Variants in SLC25A29 observed in about 807,000 individuals in gnomAD.
SLC25A29 encodes mitochondrial basic amino acids transporter.
Under a neutral mutation model 10.0 loss-of-function variants are expected in SLC25A29, and 13 were observed. The ratio of observed to expected loss-of-function variants is 1.30; its 90% CI spans 0.85 to 2.07. The LOEUF is 2.07. Among genes scored for constraint, SLC25A29 ranks in the 30% most tolerant of loss-of-function variants. The pLI is 0.00. For synonymous variants in SLC25A29, 244 were observed against 221.1 expected (o/e 1.10, Z -0.92); for missense variants, 475 against 447.6 (o/e 1.06, Z -0.55).
In SLC25A29 at chr14:100,301,326, C is replaced by A. The variant is rs904643031; in HGVS notation, c.35-2441G>T. Reference sequence around the variant, plus strand: ...GACTACAGGCCCACCCCACCACACCCAGCTAATTTTTGTATTTTTAGTAGA... The same window carrying A: ...GACTACAGGCCCACCCCACCACACCAAGCTAATTTTTGTATTTTTAGTAGA... On this transcript the variant is annotated intron_variant, in intron 1 of 3. Transcript: ENST00000359232. 3.9e-5 allele frequency among the ~76,000 whole-genome samples: 6 copies of A among 152,010 alleles called. No individual in the cohort carries two copies. In the South Asian group the frequency reaches 1.2e-3, roughly 31 times the overall value.
chr14:100,288,382 C>CAAAAA (rs541814439), downstream of SLC25A29, among the ~76,000 whole-genome samples: 530 of 63,714 alleles, frequency 8.3e-3, 40 homozygotes, highest in South Asian at 0.032. Context: ...AACTCTATCT[C>CAAAAA]AAAAAAAAAA....
rs937657166 is a variant in SLC25A29, at chr14:100,298,994, G to A, written c.35-109C>T. 3.3e-6 allele frequency: 5 copies of A among 1,523,946 alleles called. No homozygotes were observed. In the African/African-American group the frequency reaches 4.1e-5, roughly 13 times the overall value. The allele number at this position is 1,523,946 out of a possible 1,614,324, so 94.4% of individuals were successfully genotyped here. On this transcript the variant is annotated intron_variant, in intron 1 of 3. Coordinates refer to ENST00000359232, the MANE Select transcript of SLC25A29 (RefSeq NM_001039355.3). ...AAGACTGGCAGGAGCTGCTGCCGGG[G>A]AAAGGACATTGACCAAGCACCTGTG...
At chr14:100,295,904 C>A (rs764229921) in intron 2 of SLC25A29, 5 of 1,286,620 alleles carry the variant, frequency 3.9e-6, no homozygotes, top group African/African-American at 1.5e-5. Context: ...CGTGTAGAAA[C>A]GTGTGAAGGC....
Position 100,297,837 on chromosome 14 carries a change from G to A in SLC25A29, c.78+1005C>T, listed in dbSNP as rs546237831. On this transcript the variant is annotated intron_variant, in intron 2 of 3. Transcript: ENST00000359232. ...TGTTGAGCACTGGCACGATGACAAC[G>A]TTTGAGCCCAAAGATACAGGGACCT... Among the ~76,000 whole-genome samples the A allele has an allele frequency of 1.4e-4, 22 of 152,346 alleles. No homozygotes were observed. In the Middle Eastern group the frequency reaches 0.01, roughly 71 times the overall value.
In SLC25A29 at chr14:100,291,471, C is replaced by A. The variant is rs958918695; in HGVS notation, c.*812G>T. ...ATCCTGGCTGGCGGTGGTAGGTGGGCCGGAGACTCAGTTGTCCGTCAGCTG... is the reference window on the plus strand; with the variant it reads ...ATCCTGGCTGGCGGTGGTAGGTGGGACGGAGACTCAGTTGTCCGTCAGCTG... On this transcript the variant is annotated 3_prime_UTR_variant, in exon 4 of 4. Transcript: ENST00000359232. 3 of 152,386 alleles carry A rather than the reference C, an allele frequency of 2.0e-5. No homozygotes were observed. The highest frequency in any genetic ancestry group is 7.2e-5 in the African/African-American group (3 of 41,418). The allele number at this position is 152,386 out of a possible 1,614,324, so 9.4% of individuals were successfully genotyped here.
At chr14:100,298,803 T>C in intron 2 of SLC25A29, 39 bp downstream of exon 2, 3 of 1,613,994 alleles carry the variant, frequency 1.9e-6, no homozygotes, top group South Asian at 1.1e-5. Flanking sequence ...CTCTCTCCAA[T>C]GTACGCGCCG....
chr14:100,286,898 G>T (rs1891555279), downstream of SLC25A29, among the ~76,000 whole-genome samples: 1 of 152,206 alleles, frequency 6.6e-6, no homozygotes, highest in Non-Finnish European at 1.5e-5. Flanking sequence ...GGCTCCTGGC[G>T]CTGGCTTCAG....
chr14:100,303,521 T>A (rs1010768294), intron 1 of SLC25A29, among the ~76,000 whole-genome samples: 7 of 152,258 alleles, frequency 4.6e-5, no homozygotes, highest in African/African-American at 1.4e-4. Context: ...AGGCACTGGT[T>A]CCCACTTTCT....
Position 100,291,683 on chromosome 14 carries a change from C to T in SLC25A29, c.*600G>A, listed in dbSNP as rs1033446474. On this transcript the variant is annotated 3_prime_UTR_variant, in exon 4 of 4. Transcript: ENST00000359232. The stretch of plus-strand genomic sequence containing the variant: ...ATGGCTTCCCGGAGGGTGCAGGGTC[C>T]CCAGTTCACCCTCCAGCAGGAGTGG... 6.1e-6 allele frequency: 1 copy of T among 163,866 alleles called. No homozygotes were observed. Among genetic ancestry groups the T allele is most frequent in the Non-Finnish European group, 1.3e-5 (1 of 75,852 alleles). The allele number at this position is 163,866 out of a possible 1,614,324, so 10.2% of individuals were successfully genotyped here.
rs1304884802 is a variant in SLC25A29, at chr14:100,292,496, G to T, written c.699C>A (p.Asp233Glu). The change falls in exon 4 of 4, where the codon GAC becomes GAA. Residue 233 changes from aspartate (D) to glutamate (E), a missense_variant. Physicochemically the swap from Asp to Glu is conservative, Grantham distance 45. Coordinates refer to ENST00000359232, the MANE Select transcript of SLC25A29 (RefSeq NM_001039355.3). ...CGGCGCGGTAGCTCTGGTGCACGCAGTCCAGGATGCCGCGGTAGCGCGGGG... is the reference window on the plus strand; with the variant it reads ...CGGCGCGGTAGCTCTGGTGCACGCATTCCAGGATGCCGCGGTAGCGCGGGG... ...RGAPRYRGIL[D>E]CVHQSYRAEG... 3.8e-6 allele frequency: 6 copies of T among 1,588,366 alleles called. No homozygotes were observed. In the South Asian group the frequency reaches 5.7e-5, roughly 15 times the overall value.
At chr14:100,282,692 G>A in the SLC25A29 span, 1 of 152,176 alleles carries the variant, frequency 6.6e-6, no homozygotes, top group African/African-American at 2.4e-5. Context: ...GCATCAGATG[G>A]CTTTGCATCC....
the SLC25A29 span, chr14:100,278,635 T>A: frequency 6.6e-6 from 1 of 152,264 alleles, no homozygotes; most frequent in African/African-American, 2.4e-5. Context: ...GATGCATGGA[T>A]ATTTTAATAC....
chr14:100,285,487 C>A, the SLC25A29 span, among the ~76,000 whole-genome samples: 1 of 151,556 alleles, frequency 6.6e-6, no homozygotes. Context: ...TGCGCGTGCG[C>A]AGCGCGGAGC....
Position 100,306,187 on chromosome 14 carries a change from C to A in SLC25A29, c.34+12G>T. ...CCTCGCCCCGGCCCGGCCCGGCCCG[C>A]CGCCTCCTTACCCCCCGCGCATCCA... On this transcript the variant is annotated intron_variant, in intron 1 of 3. Transcript: ENST00000359232. The A allele has an allele frequency of 6.7e-7, 1 of 1,487,932 alleles. No homozygotes were observed. The highest frequency in any genetic ancestry group is 1.3e-5 in the South Asian group (1 of 78,156). The allele number at this position is 1,487,932 out of a possible 1,614,324, so 92.2% of individuals were successfully genotyped here.
chr14:100,302,298 G>A (rs1595371511), intron 1 of SLC25A29, among the ~76,000 whole-genome samples: 1 of 151,476 alleles, frequency 6.6e-6, no homozygotes, highest in African/African-American at 2.4e-5. Context: ...CACCTGCCTC[G>A]GCCTCCCAAA....
At chr14:100,284,681 A>T in the SLC25A29 span, among the ~76,000 whole-genome samples, 1 of 152,164 alleles carries the variant, frequency 6.6e-6, no homozygotes, top group Non-Finnish European at 1.5e-5. Flanking sequence ...TGTTTTAGGC[A>T]GGAATGGCAT....
the SLC25A29 span, chr14:100,278,781 ACCACCGCGCAGGCTGAGCGCCTGCG>A: frequency 6.6e-6 from 1 of 152,266 alleles, no homozygotes; most frequent in Non-Finnish European, 1.5e-5. Flanking sequence ...AAGCATCTGT[ACCACCGCGCAGGCTGAGCGCCTGCG>A]CAGGGTAAGG....
At chr14:100,300,088 T>C (rs953921700) in intron 1 of SLC25A29, 5 of 378,610 alleles carry the variant, frequency 1.3e-5, no homozygotes, top group African/African-American at 4.4e-5. Context: ...CTAGCCAACA[T>C]GGTGAAACCC....
intron 2 of SLC25A29, chr14:100,295,934 G>T: frequency 1.6e-6 from 2 of 1,289,736 alleles, no homozygotes; most frequent in Non-Finnish European, 2.0e-6. Flanking sequence ...CAGGACGGTG[G>T]CTGTGGTTCT....
Sources: gnomAD v4.1 joint callset for allele counts (sites outside exome capture counted in the v4.1 genomes callset) on GRCh38, gnomAD v4.1.1 for gene constraint, MANE v1.5 for transcripts, NCBI Gene and HGNC (gene_info 2026-07-23, HGNC 2026-07-21) for gene names.